The following DCAF6 variants were observed in gnomAD, a reference collection of about 807,000 sequenced individuals.
The protein encoded by DCAF6 is DDB1 and CUL4 associated factor 6, also known as DDB1- and CUL4-associated factor 6.
In DCAF6, 54 loss-of-function variants were observed where a neutral mutation model predicts 125.1. The observed-to-expected ratio is 0.43, with a 90% CI of 0.35 to 0.54. The LOEUF (loss-of-function observed/expected upper bound fraction) is 0.54. DCAF6 is among the 20% of genes least tolerant of loss of function. The probability of loss-of-function intolerance (pLI) is 0.01; values close to 1 mark genes in which losing one functional copy is unlikely to be tolerated. For missense variants in DCAF6, 934 were observed against 1,161.7 expected (o/e 0.80, Z 2.85); for synonymous variants, 371 against 390.4 (o/e 0.95, Z 0.58).
the DCAF6 span, among the ~76,000 whole-genome samples, chr1:167,878,821 A>T: frequency 6.6e-6 from 1 of 152,234 alleles, no homozygotes; most frequent in African/African-American, 2.4e-5. Context: ...GCAGGGAGTT[A>T]GTTAGCCATT....
chr1:167,867,878 C>G, the DCAF6 span, among the ~76,000 whole-genome samples: 1 of 152,034 alleles, frequency 6.6e-6, no homozygotes, highest in Non-Finnish European at 1.5e-5. Flanking sequence ...ATCTAGGCTA[C>G]TTAGAAAAAG....
chr1:168,055,520 A>G (rs1690578997), intron 17 of DCAF6, among the ~76,000 whole-genome samples: 1 of 82,302 alleles, frequency 1.2e-5, no homozygotes, highest in Admixed American at 1.6e-4. Flanking sequence ...TTCCAATGGA[A>G]AGATCATTAA....
chr1:168,048,967 C>T (rs765147504), intron 16 of DCAF6, among the ~76,000 whole-genome samples: 1 of 152,122 alleles, frequency 6.6e-6, no homozygotes, highest in Non-Finnish European at 1.5e-5. Flanking sequence ...GGTAAAATGC[C>T]TCTACTGGCA....
At chr1:167,949,915 T>C (rs1673660472) in intron 1 of DCAF6, among the ~76,000 whole-genome samples, 1 of 152,238 alleles carries the variant, frequency 6.6e-6, no homozygotes, top group African/African-American at 2.4e-5. Flanking sequence ...GCTAGTTTGC[T>C]CTAGAAGCAC....
chr1:167,952,650 A>G (rs1351269298), intron 2 of DCAF6, among the ~76,000 whole-genome samples: 1 of 152,008 alleles, frequency 6.6e-6, no homozygotes, highest in Non-Finnish European at 1.5e-5. Flanking sequence ...ATGTTCCTTC[A>G]CATGTTGGTT....
chr1:168,004,396 A>G (rs1203832043), intron 9 of DCAF6, 137 bp from the exon 10 acceptor site: 2 of 982,104 alleles, frequency 2.0e-6, no homozygotes, highest in African/African-American at 3.3e-5. Flanking sequence ...AATGGGCCAA[A>G]TCACCAGTAG....
the DCAF6 span, among the ~76,000 whole-genome samples, chr1:167,907,816 C>T: frequency 6.6e-6 from 1 of 152,176 alleles, no homozygotes; most frequent in Non-Finnish European, 1.5e-5. Flanking sequence ...CCAAATTTCT[C>T]ATATCCTTGT....
At chr1:167,963,041 C>T (rs1003934534) in intron 2 of DCAF6, among the ~76,000 whole-genome samples, 1 of 152,068 alleles carries the variant, frequency 6.6e-6, no homozygotes, top group Non-Finnish European at 1.5e-5. Flanking sequence ...GGGTGGATCA[C>T]CTGAGGTCTG....
chr1:168,006,368 A>G (rs184469248), intron 10 of DCAF6, among the ~76,000 whole-genome samples: 3 of 152,328 alleles, frequency 2.0e-5, no homozygotes, highest in Non-Finnish European at 2.9e-5. Context: ...GAAGTAAGGA[A>G]ATATTTTTAA....
the DCAF6 span, among the ~76,000 whole-genome samples, chr1:167,919,050 T>A: frequency 6.6e-6 from 1 of 152,234 alleles, no homozygotes; most frequent in African/African-American, 2.4e-5. Flanking sequence ...AATTTTAAAA[T>A]TTATACTCGC....
chr1:167,983,143 C>G (rs1439112754), intron 4 of DCAF6, among the ~76,000 whole-genome samples: 1 of 152,148 alleles, frequency 6.6e-6, no homozygotes. Context: ...TTTGGCTGTT[C>G]AGGCTCTTTT....
At chr1:167,890,236 G>T in the DCAF6 span, among the ~76,000 whole-genome samples, 1 of 152,186 alleles carries the variant, frequency 6.6e-6, no homozygotes, top group Non-Finnish European at 1.5e-5. Flanking sequence ...AAACTTGGGT[G>T]TTGTGATCTA....
intron 21 of DCAF6, 116 bp from the exon 22 acceptor site, chr1:168,075,255 C>G (rs1693672276): frequency 1.1e-6 from 1 of 886,996 alleles, no homozygotes; most frequent in South Asian, 1.8e-5. Context: ...TAAAGACATC[C>G]ACACATAGTG....
chr1:168,067,481 T>C (rs769568432), intron 20 of DCAF6, among the ~76,000 whole-genome samples: 5 of 151,732 alleles, frequency 3.3e-5, no homozygotes, highest in Non-Finnish European at 7.4e-5. Context: ...TGGACAGAAG[T>C]CTGAGAATAG....
At chr1:168,029,054 T>C (rs1302936915) in intron 12 of DCAF6, among the ~76,000 whole-genome samples, 1 of 152,200 alleles carries the variant, frequency 6.6e-6, no homozygotes, top group African/African-American at 2.4e-5. Flanking sequence ...CCCCAACTAC[T>C]AGGTCTTGAT....
At chr1:168,070,442 A>G (rs1013133527) in intron 21 of DCAF6, among the ~76,000 whole-genome samples, 1 of 152,136 alleles carries the variant, frequency 6.6e-6, no homozygotes, top group African/African-American at 2.4e-5. Flanking sequence ...GCCACAAAGT[A>G]CCTCTCGGCT....
chr1:167,942,876 C>G (rs959727218), intron 1 of DCAF6, among the ~76,000 whole-genome samples: 3 of 151,940 alleles, frequency 2.0e-5, no homozygotes, highest in African/African-American at 7.3e-5. Context: ...GTCTTTATAC[C>G]GAGGATTGAA....
intron 4 of DCAF6, among the ~76,000 whole-genome samples, chr1:167,981,159 C>T (rs138653430): frequency 0.016 from 2,500 of 151,984 alleles, 56 homozygotes; most frequent in African/African-American, 0.051. Flanking sequence ...TGCCCGTCTC[C>T]GCCTCCAAAG....
intron 7 of DCAF6, among the ~76,000 whole-genome samples, chr1:167,994,459 C>T (rs912870683): frequency 6.6e-6 from 1 of 152,022 alleles, no homozygotes; most frequent in Non-Finnish European, 1.5e-5. Context: ...CTTTCTGTCC[C>T]AATTGTGCCT....
Sources: allele counts gnomAD v4.1 joint callset (sites outside exome capture counted in the v4.1 genomes callset), GRCh38; gene constraint gnomAD v4.1.1; transcripts MANE v1.5; gene names NCBI Gene and HGNC (gene_info 2026-07-23, HGNC 2026-07-21).